LMO7: variants seen among roughly 807,000 people sequenced by gnomAD.
LMO7 encodes the protein LIM domain only protein 7.
Under a neutral mutation model 206.5 loss-of-function variants are expected in LMO7, and 120 were observed. That is an observed-to-expected ratio of 0.58 (90% CI 0.50 to 0.68). The LOEUF is 0.68. Ranked by LOEUF, LMO7 falls within the 30% of genes least tolerant of loss-of-function variation. LMO7 has a pLI of 0.00. For synonymous variants in LMO7, 706 were observed against 681.5 expected (o/e 1.04, Z -0.56); for missense variants, 1,959 against 1,957.9 (o/e 1.00, Z -0.01).
intron 2 of LMO7, chr13:75,627,663 A>T (rs919216740): frequency 2.6e-5 from 4 of 152,106 alleles, no homozygotes; most frequent in African/African-American, 9.7e-5. Flanking sequence ...TTTATCTTTG[A>T]TTATCCTTAC....
intron 3 of LMO7, among the ~76,000 whole-genome samples, chr13:75,737,662 A>T (rs2045958436): frequency 7.1e-6 from 1 of 140,968 alleles, no homozygotes; most frequent in Non-Finnish European, 1.5e-5. Context: ...CTGAGGCAGG[A>T]GGATGGCGTG....
intron 3 of LMO7, among the ~76,000 whole-genome samples, chr13:75,738,989 T>C (rs1475201765): frequency 6.6e-6 from 1 of 152,204 alleles, no homozygotes; most frequent in Non-Finnish European, 1.5e-5. Context: ...GTCGTGTGCA[T>C]TGTGGAATCT....
intron 26 of LMO7, among the ~76,000 whole-genome samples, chr13:75,847,262 G>A (rs780812104): frequency 5.9e-5 from 9 of 152,146 alleles, no homozygotes; most frequent in Non-Finnish European, 1.3e-4. Flanking sequence ...AGATTAAGGT[G>A]GGAATGATAC....
At chr13:75,663,163 C>G (rs1436095182) in intron 1 of LMO7, among the ~76,000 whole-genome samples, 1 of 151,634 alleles carries the variant, frequency 6.6e-6, no homozygotes, top group Admixed American at 6.6e-5. Flanking sequence ...CTATAAAACT[C>G]TATATAAAAC....
At chr13:75,832,088 GT>G (rs1294503756) in intron 15 of LMO7, among the ~76,000 whole-genome samples, 2 of 152,086 alleles carry the variant, frequency 1.3e-5, no homozygotes, top group East Asian at 3.9e-4. Context: ...GTAAGTCTAA[GT>G]TTTTTGTGAT....
chr13:75,703,052 A>T (rs2042387269), intron 1 of LMO7, among the ~76,000 whole-genome samples: 1 of 152,192 alleles, frequency 6.6e-6, no homozygotes, highest in Non-Finnish European at 1.5e-5. Context: ...TACTGACAAA[A>T]CTAGGATGGG....
intron 1 of LMO7, among the ~76,000 whole-genome samples, chr13:75,694,097 A>G (rs1413436569): frequency 6.6e-6 from 1 of 152,214 alleles, no homozygotes; most frequent in Non-Finnish European, 1.5e-5. Flanking sequence ...TAAAATCTTT[A>G]TGGAGTTTCC....
chr13:75,629,742 G>T lies in LMO7; in HGVS notation c.225+6422G>T, dbSNP rs552824595. Among the ~76,000 whole-genome samples, 6 of 152,272 alleles carry T rather than the reference G, an allele frequency of 3.9e-5. No homozygotes were observed. In the East Asian group the frequency reaches 7.7e-4, roughly 20 times the overall value. ...GGTTTAAGAGTTAGATTTCAAGAAGGTCATCACTGTTTCTGAAATCTAGCT... is the reference window on the plus strand; with the variant it reads ...GGTTTAAGAGTTAGATTTCAAGAAGTTCATCACTGTTTCTGAAATCTAGCT... On this transcript the variant is annotated intron_variant, in intron 2 of 29. Transcript: ENST00000341547.
At chr13:75,703,141 CA>C (rs758591587) in intron 1 of LMO7, among the ~76,000 whole-genome samples, 9 of 152,174 alleles carry the variant, frequency 5.9e-5, no homozygotes, top group Non-Finnish European at 1.2e-4. Context: ...AAAACACAAC[CA>C]ACTCCCTCAT....
intron 3 of LMO7, among the ~76,000 whole-genome samples, chr13:75,751,430 G>T (rs2047265998): frequency 1.3e-5 from 2 of 152,022 alleles, no homozygotes; most frequent in Non-Finnish European, 2.9e-5. Context: ...AAAGTGCAGG[G>T]ATTACAGGCA....
chr13:75,784,298 G>T (rs577765731), intron 4 of LMO7, among the ~76,000 whole-genome samples: 10 of 152,112 alleles, frequency 6.6e-5, no homozygotes, highest in Non-Finnish European at 1.0e-4. Flanking sequence ...TTAGTGTGTT[G>T]TATCTTGGGA....
At chr13:75,851,178 G>A (rs1353504194) in intron 27 of LMO7, among the ~76,000 whole-genome samples, 3 of 152,194 alleles carry the variant, frequency 2.0e-5, no homozygotes, top group Non-Finnish European at 2.9e-5. Flanking sequence ...GATACCAAAA[G>A]GCATGGTTCA....
intron 30 of LMO7, chr13:75,857,551 T>G (rs902512758): frequency 1.9e-5 from 3 of 158,886 alleles, no homozygotes; most frequent in African/African-American, 7.2e-5. Context: ...GGGCATGTAC[T>G]GGTGGGGGGT....
intron 3 of LMO7, among the ~76,000 whole-genome samples, chr13:75,727,781 C>A (rs1191257297): frequency 6.7e-6 from 1 of 149,174 alleles, no homozygotes; most frequent in Non-Finnish European, 1.5e-5. Context: ...CCCCCTCCCC[C>A]AACCCCACAA....
intron 2 of LMO7, 69 bp downstream of exon 2, chr13:75,713,321 T>A: frequency 8.6e-7 from 1 of 1,157,418 alleles, no homozygotes; most frequent in Non-Finnish European, 1.2e-6. Context: ...TGATGAGGTG[T>A]TTGGCTCCTC....
intron 1 of LMO7, among the ~76,000 whole-genome samples, chr13:75,693,840 T>A (rs1462604884): frequency 6.6e-6 from 1 of 152,172 alleles, no homozygotes; most frequent in Non-Finnish European, 1.5e-5. Flanking sequence ...GTGACTGCCT[T>A]CTGTGGTTGT....
chr13:75,707,367 T>G (rs532084355), intron 1 of LMO7, among the ~76,000 whole-genome samples: 37 of 152,206 alleles, frequency 2.4e-4, no homozygotes, highest in African/African-American at 8.4e-4. Flanking sequence ...TTTTAAATAA[T>G]ATTCTTTACA....
chr13:75,733,623 A>G (rs2045502831), intron 3 of LMO7, among the ~76,000 whole-genome samples: 1 of 146,736 alleles, frequency 6.8e-6, no homozygotes, highest in Non-Finnish European at 1.5e-5. Context: ...TGCATCGTGC[A>G]CTGCACCCAC....
chr13:75,745,355 G>T (rs893782694), intron 3 of LMO7, among the ~76,000 whole-genome samples: 4 of 152,152 alleles, frequency 2.6e-5, no homozygotes, highest in Admixed American at 2.0e-4. Context: ...GCACATATTT[G>T]TGACTATACT....
Sources: gnomAD v4.1 joint callset for allele counts (sites outside exome capture counted in the v4.1 genomes callset) on GRCh38, gnomAD v4.1.1 for gene constraint, MANE v1.5 for transcripts, NCBI Gene and HGNC (gene_info 2026-07-23, HGNC 2026-07-21) for gene names.